The following COL15A1 variants were observed in gnomAD, a reference collection of about 807,000 sequenced individuals.
The protein encoded by COL15A1 is collagen alpha-1(XV) chain.
A neutral mutation model predicts 165.9 loss-of-function variants in COL15A1; 111 were observed. The observed-to-expected ratio is 0.67, with a 90% CI of 0.57 to 0.78. The LOEUF (loss-of-function observed/expected upper bound fraction) is 0.78. COL15A1 is among the 30% of genes least tolerant of loss of function. The pLI, the probability that COL15A1 is intolerant of heterozygous loss-of-function variation, is 0.00. For synonymous variants in COL15A1, 659 were observed against 674.8 expected (o/e 0.98, Z 0.36); for missense variants, 1,745 against 1,789.7 (o/e 0.98, Z 0.45).
At chr9:99,061,077 T>C (rs1243548911) in intron 36 of COL15A1, among the ~76,000 whole-genome samples, 1 of 152,132 alleles carries the variant, frequency 6.6e-6, no homozygotes, top group Non-Finnish European at 1.5e-5. Flanking sequence ...CACAGAAAAA[T>C]GGACAAATAC....
intron 14 of COL15A1, 88 bp from the exon 15 acceptor site, chr9:99,024,786 A>G: frequency 6.8e-7 from 1 of 1,470,638 alleles, no homozygotes; most frequent in Non-Finnish European, 9.2e-7. Context: ...AGGATTGTTG[A>G]AAGAATTTGA....
chr9:98,961,730 G>C (rs779884110), intron 2 of COL15A1, among the ~76,000 whole-genome samples: 4 of 152,184 alleles, frequency 2.6e-5, no homozygotes, highest in Non-Finnish European at 5.9e-5. Context: ...AAAGGCCTTT[G>C]GTCTAGGTAG....
At chr9:98,965,692 T>A (rs145317143) in intron 2 of COL15A1, among the ~76,000 whole-genome samples, 10 of 152,342 alleles carry the variant, frequency 6.6e-5, no homozygotes, top group African/African-American at 2.2e-4. Flanking sequence ...GTGAAGCATC[T>A]CAGGCCTATC....
chr9:99,006,317 A>G (rs1220433019), intron 9 of COL15A1, among the ~76,000 whole-genome samples: 1 of 152,190 alleles, frequency 6.6e-6, no homozygotes, highest in Non-Finnish European at 1.5e-5. Flanking sequence ...CTGATACAAT[A>G]TTTTGTTCAT....
At chr9:98,986,268 A>G (rs1838311891) in intron 3 of COL15A1, 156 bp downstream of exon 3, 3 of 637,950 alleles carry the variant, frequency 4.7e-6, no homozygotes, top group Middle Eastern at 8.7e-4. Flanking sequence ...TGGAACCCCA[A>G]AACCTAGATT....
intron 39 of COL15A1, among the ~76,000 whole-genome samples, chr9:99,063,855 A>G (rs768308835): frequency 1.2e-4 from 18 of 152,140 alleles, no homozygotes; most frequent in Non-Finnish European, 1.8e-4. Context: ...GAGAAAGGTC[A>G]AGAATGATGC....
At chr9:99,054,760 C>T in intron 32 of COL15A1, 104 bp downstream of exon 32, 1 of 1,249,134 alleles carries the variant, frequency 8.0e-7, no homozygotes. Flanking sequence ...AATGACATTC[C>T]ACCCTGACCA....
intron 13 of COL15A1, 81 bp from the exon 14 acceptor site, chr9:99,023,276 T>G (rs7848837): frequency 0.14 from 206,119 of 1,476,738 alleles, 15,623 homozygotes; most frequent in East Asian, 0.31. Flanking sequence ...CATTTCCCCA[T>G]TTTGGAGAAA....
At chr9:98,965,768 T>G (rs1437365422) in intron 2 of COL15A1, among the ~76,000 whole-genome samples, 1 of 152,220 alleles carries the variant, frequency 6.6e-6, no homozygotes, top group African/African-American at 2.4e-5. Flanking sequence ...GCTCCCTCTT[T>G]AAGCCCCTAC....
At chr9:99,027,082 G>T (rs1489452371) in intron 16 of COL15A1, among the ~76,000 whole-genome samples, 1 of 152,202 alleles carries the variant, frequency 6.6e-6, no homozygotes, top group Non-Finnish European at 1.5e-5. Flanking sequence ...TGCTACCTGG[G>T]GCGTGTATGT....
chr9:99,056,808 A>G (rs1017268554), intron 35 of COL15A1, among the ~76,000 whole-genome samples: 1 of 152,202 alleles, frequency 6.6e-6, no homozygotes, highest in Admixed American at 6.5e-5. Flanking sequence ...ATCATATAAT[A>G]TATGGCCCTT....
chr9:99,026,749 A>T (rs1194281717), intron 16 of COL15A1, among the ~76,000 whole-genome samples: 1 of 151,872 alleles, frequency 6.6e-6, no homozygotes, highest in Non-Finnish European at 1.5e-5. Flanking sequence ...GCTCTCCCTG[A>T]CTCATTATGA....
chr9:98,992,046 G>A (rs775672879), intron 5 of COL15A1, among the ~76,000 whole-genome samples: 20 of 152,390 alleles, frequency 1.3e-4, no homozygotes, highest in Admixed American at 2.6e-4. Context: ...CAGGAGTCCA[G>A]CTGGCTTCGC....
intron 9 of COL15A1, among the ~76,000 whole-genome samples, chr9:99,008,493 T>G (rs1172375343): frequency 1.3e-5 from 2 of 152,240 alleles, no homozygotes; most frequent in Admixed American, 6.5e-5. Context: ...GAAAACAGAT[T>G]GTTATCACAC....
At chr9:99,010,555 C>G (rs552085421) in intron 9 of COL15A1, among the ~76,000 whole-genome samples, 1 of 152,170 alleles carries the variant, frequency 6.6e-6, no homozygotes, top group Non-Finnish European at 1.5e-5. Flanking sequence ...ACAACAGGCT[C>G]TAGATGTTGC....
At chr9:99,031,165 A>G (rs1839208187) in intron 16 of COL15A1, among the ~76,000 whole-genome samples, 1 of 152,074 alleles carries the variant, frequency 6.6e-6, no homozygotes, top group Admixed American at 6.6e-5. Context: ...GACCTTATGG[A>G]GGGCTTTGCT....
rs1839522010 is a variant in COL15A1 at position 99,047,991 on chromosome 9, C to A, written c.2784C>A (p.Val928=). 4 of 1,571,428 alleles carry A rather than the reference C, an allele frequency of 2.5e-6. No homozygotes were observed. Among genetic ancestry groups the A allele is most frequent in the Non-Finnish European group, 3.5e-6 (4 of 1,150,918 alleles). ...AGGGTACCAAAGGAGATCCAGGGGT[C>A]ATTATGCAGGTGAGTCACCCTGGGG... The part of the protein sequence containing the change: ...GLKGTKGDPG[V]IMQGPPGLPG... Residue 928 remains valine (V), a synonymous_variant, in exon 28 of 42, where the codon GTC becomes GTA. Coordinates refer to ENST00000375001, the MANE Select transcript of COL15A1 (RefSeq NM_001855.5).
At chr9:99,052,286 C>A in intron 30 of COL15A1, 102 bp from the exon 31 acceptor site, 2 of 852,868 alleles carry the variant, frequency 2.3e-6, no homozygotes, top group Non-Finnish European at 4.0e-6. Flanking sequence ...GACTCTGTGG[C>A]ATTGCCTCTT....
Position 98,960,001 on chromosome 9 carries a change from T to C in COL15A1, c.100+15751T>C, listed in dbSNP as rs189141128. ...CCCTTCTCCAAGCCTTTGCTTGCGCTGTTCCTCAGCCTGCCCTATGGAAAT... is the reference window on the plus strand; with the variant it reads ...CCCTTCTCCAAGCCTTTGCTTGCGCCGTTCCTCAGCCTGCCCTATGGAAAT... On this transcript the variant is annotated intron_variant, in intron 2 of 41. Transcript: ENST00000375001. Among the ~76,000 whole-genome samples, 201 of 152,318 alleles carry C rather than the reference T, an allele frequency of 1.3e-3. 1 individual carries two copies. The highest frequency in any genetic ancestry group is 3.6e-3 in the Admixed American group (55 of 15,298).
Sources: allele counts gnomAD v4.1 joint callset (sites outside exome capture counted in the v4.1 genomes callset), GRCh38; gene constraint gnomAD v4.1.1; transcripts MANE v1.5; gene names NCBI Gene and HGNC (gene_info 2026-07-23, HGNC 2026-07-21).